CALCR: variants seen among roughly 807,000 people sequenced by gnomAD.
The protein encoded by CALCR is calcitonin receptor.
A neutral mutation model predicts 59.5 loss-of-function variants in CALCR; 47 were observed. The ratio of observed to expected loss-of-function variants is 0.79; its 90% confidence interval spans 0.63 to 1.01. CALCR has a LOEUF of 1.01. Ranked by LOEUF, CALCR falls within the 50% of genes least tolerant of loss-of-function variation. The pLI is 0.00. For missense variants in CALCR, 566 were observed against 597.1 expected (o/e 0.95, Z 0.54); for synonymous variants, 213 against 211.3 (o/e 1.01, Z -0.07).
intron 2 of CALCR, among the ~76,000 whole-genome samples, chr7:93,566,992 T>A (rs1404557827): frequency 6.6e-6 from 1 of 152,164 alleles, no homozygotes; most frequent in Non-Finnish European, 1.5e-5. Context: ...CCTAAGTAGC[T>A]CCAGCCTAGT....
At chr7:93,485,373 A>G (rs949438265) in intron 3 of CALCR, among the ~76,000 whole-genome samples, 2 of 151,730 alleles carry the variant, frequency 1.3e-5, no homozygotes, top group Non-Finnish European at 3.0e-5. Context: ...AAAGTTTTGA[A>G]TAAAAATGAC....
intron 8 of CALCR, among the ~76,000 whole-genome samples, chr7:93,444,521 G>T (rs117945324): frequency 0.011 from 1,609 of 152,114 alleles, 21 homozygotes; most frequent in East Asian, 0.044. Context: ...GTAGATTTTT[G>T]TTGTTGTTGC....
chr7:93,547,886 G>A (rs1789334203), intron 2 of CALCR, among the ~76,000 whole-genome samples: 1 of 152,048 alleles, frequency 6.6e-6, no homozygotes, highest in Non-Finnish European at 1.5e-5. Flanking sequence ...CCCTAAAAAA[G>A]GAGCTTATGG....
At chr7:93,467,147 T>A (rs1800456959) in intron 7 of CALCR, among the ~76,000 whole-genome samples, 1 of 151,830 alleles carries the variant, frequency 6.6e-6, no homozygotes, top group Admixed American at 6.6e-5. Flanking sequence ...TTATTTACCA[T>A]AATGAAGTGC....
At chr7:93,459,737 T>C (rs1171525473) in intron 8 of CALCR, among the ~76,000 whole-genome samples, 3 of 152,148 alleles carry the variant, frequency 2.0e-5, no homozygotes, top group Admixed American at 1.3e-4. Flanking sequence ...AAACAGTATC[T>C]TGAGTATAAA....
At chr7:93,529,872 C>G (rs947946129) in intron 2 of CALCR, among the ~76,000 whole-genome samples, 1 of 152,126 alleles carries the variant, frequency 6.6e-6, no homozygotes, top group African/African-American at 2.4e-5. Flanking sequence ...AAATTTAAGT[C>G]TGTGTTTAGA....
intron 9 of CALCR, among the ~76,000 whole-genome samples, chr7:93,440,532 G>GGTGT (rs1197607611): frequency 1.8e-5 from 2 of 110,782 alleles, no homozygotes; most frequent in Admixed American, 1.1e-4. Context: ...GTGGAATTTT[G>GGTGT]GTGTGTGTGT....
chr7:93,527,674 C>T (rs2116117637), intron 2 of CALCR, among the ~76,000 whole-genome samples: 1 of 152,202 alleles, frequency 6.6e-6, no homozygotes, highest in Non-Finnish European at 1.5e-5. Context: ...CTTCAAAATG[C>T]TGTCTAGGGA....
At chr7:93,473,200 T>C (rs1178703092) in intron 5 of CALCR, among the ~76,000 whole-genome samples, 1 of 151,800 alleles carries the variant, frequency 6.6e-6, no homozygotes, top group African/African-American at 2.4e-5. Flanking sequence ...TGGATTGGCA[T>C]ATTAAAGATC....
intron 2 of CALCR, among the ~76,000 whole-genome samples, chr7:93,510,094 T>C (rs568958260): frequency 3.3e-5 from 5 of 152,322 alleles, no homozygotes; most frequent in Non-Finnish European, 7.3e-5. Context: ...ATAAATTTCT[T>C]TGTCACGAGC....
At chr7:93,484,505 A>ACCATCCTT (rs1800877377) in intron 3 of CALCR, among the ~76,000 whole-genome samples, 1 of 151,786 alleles carries the variant, frequency 6.6e-6, no homozygotes, top group Non-Finnish European at 1.5e-5. Flanking sequence ...TTTTCATGTC[A>ACCATCCTT]CCATCCTTAA....
intron 2 of CALCR, among the ~76,000 whole-genome samples, chr7:93,552,135 C>T (rs1340317673): frequency 2.0e-5 from 3 of 152,084 alleles, no homozygotes; most frequent in Admixed American, 2.0e-4. Context: ...TCTAGCCTTG[C>T]CATTTATCAG....
rs1294061528 is a variant in CALCR at position 93,571,590 on chromosome 7, G to A, written c.-27+2699C>T. Reference sequence around the variant, plus strand: ...CTCAAGCAGAGCTGTGCCAGAATTTGTACTCTTAACTTATATTATCTCTAA... The same window carrying A: ...CTCAAGCAGAGCTGTGCCAGAATTTATACTCTTAACTTATATTATCTCTAA... On this transcript the variant is annotated intron_variant, in intron 2 of 13. Transcript: ENST00000426151. Among the ~76,000 whole-genome samples, 4 of 152,030 alleles carry A rather than the reference G, an allele frequency of 2.6e-5. No homozygotes were observed. In the East Asian group the frequency reaches 7.8e-4, roughly 30 times the overall value.
intron 8 of CALCR, among the ~76,000 whole-genome samples, chr7:93,454,916 TTGTGTGTGTG>T (rs4015273): frequency 3.4e-4 from 50 of 145,006 alleles, no homozygotes; most frequent in Non-Finnish European, 5.5e-4. Context: ...ACAGGGCATT[TTGTGTGTGTG>T]TGTGTGTGTG....
At chr7:93,561,097 A>C (rs760874992) in intron 2 of CALCR, among the ~76,000 whole-genome samples, 1 of 152,164 alleles carries the variant, frequency 6.6e-6, no homozygotes, top group Non-Finnish European at 1.5e-5. Context: ...GAATAATACA[A>C]ATAAGAAGTA....
intron 2 of CALCR, among the ~76,000 whole-genome samples, chr7:93,552,235 C>T (rs1327268849): frequency 1.3e-5 from 2 of 152,062 alleles, no homozygotes; most frequent in Admixed American, 1.3e-4. Context: ...TAGAAAGTGG[C>T]TATGAAAATT....
Position 93,502,870 on chromosome 7 carries a change from T to C in CALCR, c.-26-15863A>G, listed in dbSNP as rs749734449. Among the ~76,000 whole-genome samples the C allele has an allele frequency of 5.3e-5, 8 of 152,098 alleles. No homozygotes were observed. The South Asian group carries it at 1.0e-3, about 20-fold the overall frequency. On this transcript the variant is annotated intron_variant, in intron 2 of 13. Transcript: ENST00000426151. Reference sequence around the variant, plus strand: ...ACTGAATGTATGACATAATCTGATTTTTGTAAATATATATTTATATATGAA... The same window carrying C: ...ACTGAATGTATGACATAATCTGATTCTTGTAAATATATATTTATATATGAA...
chr7:93,430,227 G>A (rs181370601), intron 13 of CALCR, among the ~76,000 whole-genome samples: 4 of 152,214 alleles, frequency 2.6e-5, no homozygotes, highest in East Asian at 1.9e-4. Flanking sequence ...GAGCCACCAC[G>A]CCTGGCCTAG....
At chr7:93,486,839 C>A in intron 3 of CALCR, 92 bp downstream of exon 3, 1 of 816,158 alleles carries the variant, frequency 1.2e-6, no homozygotes, top group East Asian at 2.6e-5. Flanking sequence ...CAATGCCTAC[C>A]CTTGCAAATA....
Sources: gnomAD v4.1 joint callset for allele counts (sites outside exome capture counted in the v4.1 genomes callset) on GRCh38, gnomAD v4.1.1 for gene constraint, MANE v1.5 for transcripts, NCBI Gene and HGNC (gene_info 2026-07-23, HGNC 2026-07-21) for gene names.